Variants in CSMD3 observed in about 807,000 individuals in gnomAD.
CSMD3 encodes CUB and sushi domain-containing protein 3.
Under a neutral mutation model 435.2 loss-of-function variants are expected in CSMD3, and 177 were observed. The ratio of observed to expected loss-of-function variants is 0.41; its 90% CI spans 0.36 to 0.46. The LOEUF is 0.46. Among genes scored for constraint, CSMD3 ranks in the 20% least tolerant of loss-of-function variants. The pLI is 0.34. For synonymous variants in CSMD3, 1,656 were observed against 1,520.5 expected (o/e 1.09, Z -2.07); for missense variants, 4,265 against 4,504.6 (o/e 0.95, Z 1.52).
At chr8:113,090,017 T>C (rs2089948283) in intron 5 of CSMD3, among the ~76,000 whole-genome samples, 2 of 152,040 alleles carry the variant, frequency 1.3e-5, no homozygotes, top group Admixed American at 1.3e-4. Flanking sequence ...AAAGTTAAAG[T>C]CATTGTAGCA....
In CSMD3 at chr8:112,678,965, T is replaced by C. The variant is rs187151442; in HGVS notation, c.2677+3477A>G. ...AATAAATAATAAGAAAAATTTTATCTGTAAAAATATAGACTGTCTACAGAA... is the reference window on the plus strand; with the variant it reads ...AATAAATAATAAGAAAAATTTTATCCGTAAAAATATAGACTGTCTACAGAA... On this transcript the variant is annotated intron_variant, in intron 16 of 70. Coordinates refer to ENST00000297405, the MANE Select transcript of CSMD3 (RefSeq NM_198123.2). Among the ~76,000 whole-genome samples, 762 of 151,880 alleles carry C rather than the reference T, an allele frequency of 5.0e-3. 4 individuals carry two copies. The highest frequency in any genetic ancestry group is 0.017 in the African/African-American group (714 of 41,490).
Position 112,472,621 on chromosome 8 carries a change from C to T in CSMD3, c.5365G>A (p.Val1789Ile). The T allele has an allele frequency of 6.2e-7, 1 of 1,603,768 alleles. No individual in the cohort carries two copies. The highest frequency in any genetic ancestry group is 8.5e-7 in the Non-Finnish European group (1 of 1,170,862). Residue 1789 changes from valine to isoleucine, a missense_variant, in exon 32 of 71, where the codon GTT becomes ATT. Coordinates refer to ENST00000297405, the MANE Select transcript of CSMD3 (RefSeq NM_198123.2). ...TCCTTTGGAACTGCTATAGAATAAACACAATTATGTCCCACACTGTAATTT... is the reference window on the plus strand; with the variant it reads ...TCCTTTGGAACTGCTATAGAATAAATACAATTATGTCCCACACTGTAATTT... ...PKNYSVGHNC[V>I]YSIAVPKEFV... is the part of the protein sequence containing the mutation.
chr8:112,546,519 A>G (rs1827195720), intron 27 of CSMD3, among the ~76,000 whole-genome samples: 1 of 152,162 alleles, frequency 6.6e-6, no homozygotes, highest in Non-Finnish European at 1.5e-5. Flanking sequence ...GGGCCTCAGC[A>G]TTTTGTATTA....
chr8:112,707,655 A>G (rs185603125), intron 13 of CSMD3, among the ~76,000 whole-genome samples: 1 of 152,158 alleles, frequency 6.6e-6, no homozygotes, highest in Admixed American at 6.6e-5. Flanking sequence ...TTTGAAAACT[A>G]CTTCTCTATT....
intron 27 of CSMD3, among the ~76,000 whole-genome samples, chr8:112,535,997 C>T (rs1021907862): frequency 1.3e-5 from 2 of 152,104 alleles, no homozygotes; most frequent in African/African-American, 4.8e-5. Flanking sequence ...GGATCCCTTC[C>T]TTACACCTTA....
In CSMD3 at chr8:112,314,498, A is replaced by C; in HGVS notation, c.7480T>G (p.Tyr2494Asp). Residue 2494 changes from tyrosine (Y) to aspartate (D), a missense_variant, in exon 48 of 71, where the codon TAT (tyrosine) becomes GAT (aspartate). Transcript: ENST00000297405. ...CAWSISVEKG[Y>D]NITMFVEFFQ... ...AATTCTACAAACATGGTGATATTATAACCCTTTTCCACTGAAATGCTCCAT... is the reference window on the plus strand; with the variant it reads ...AATTCTACAAACATGGTGATATTATCACCCTTTTCCACTGAAATGCTCCAT... 1 of 1,612,506 alleles carries C rather than the reference A, an allele frequency of 6.2e-7. No homozygotes were observed. Among genetic ancestry groups the C allele is most frequent in the East Asian group, 2.2e-5 (1 of 44,802 alleles).
At chr8:113,007,506 C>G (rs879562925) in intron 6 of CSMD3, among the ~76,000 whole-genome samples, 2 of 151,854 alleles carry the variant, frequency 1.3e-5, no homozygotes, top group Non-Finnish European at 2.9e-5. Flanking sequence ...CATCTTCAAG[C>G]CAAAGAGAAA....
chr8:112,369,453 G>A (rs1020880277), intron 38 of CSMD3, among the ~76,000 whole-genome samples: 2 of 152,098 alleles, frequency 1.3e-5, no homozygotes, highest in Admixed American at 1.3e-4. Flanking sequence ...CTTGTTAGAA[G>A]TCAGGTATTT....
intron 6 of CSMD3, among the ~76,000 whole-genome samples, chr8:112,996,155 A>T (rs1053987306): frequency 1.3e-5 from 2 of 151,428 alleles, no homozygotes; most frequent in Non-Finnish European, 3.0e-5. Flanking sequence ...TTAGGAATGT[A>T]ATACATAGAT....
chr8:112,986,918 G>T (rs141135850), intron 6 of CSMD3, among the ~76,000 whole-genome samples: 1 of 151,920 alleles, frequency 6.6e-6, no homozygotes, highest in Admixed American at 6.6e-5. Context: ...TAATTAGGTA[G>T]ATAAAGATAT....
chr8:112,326,544 G>A (rs944399922), intron 45 of CSMD3, among the ~76,000 whole-genome samples: 2 of 152,112 alleles, frequency 1.3e-5, no homozygotes, highest in Non-Finnish European at 2.9e-5. Flanking sequence ...CAGTTAAGAG[G>A]GAGGGTACAT....
chr8:112,888,441 T>A (rs1345445098), intron 10 of CSMD3, among the ~76,000 whole-genome samples: 2 of 151,694 alleles, frequency 1.3e-5, no homozygotes, highest in South Asian at 2.1e-4. Context: ...AATCAAAGAC[T>A]TATGTGTGAA....
chr8:112,936,551 A>T (rs938105852), intron 9 of CSMD3, among the ~76,000 whole-genome samples: 14 of 152,214 alleles, frequency 9.2e-5, no homozygotes, highest in African/African-American at 3.1e-4. Flanking sequence ...CTTTATCTTT[A>T]ATCGTGACAC....
intron 4 of CSMD3, among the ~76,000 whole-genome samples, chr8:113,120,015 A>C (rs779924361): frequency 5.3e-5 from 8 of 152,056 alleles, no homozygotes; most frequent in Non-Finnish European, 1.5e-5. Context: ...AAATAAAAAA[A>C]ATTTTCCTAA....
intron 1 of CSMD3, among the ~76,000 whole-genome samples, chr8:113,392,892 C>A (rs1042142739): frequency 3.3e-5 from 5 of 151,590 alleles, no homozygotes; most frequent in Non-Finnish European, 7.4e-5. Context: ...TTGATGAGGA[C>A]TTTATACTCC....
At position 113,310,979 on chromosome 8, in the gene CSMD3, A is replaced by T. The variant is rs150545836; in HGVS notation, c.401+3592T>A. Reference sequence around the variant, plus strand: ...ATAAATTAATGTTTACAAAGATTCTAATCACACATTAGACATGTACATTAT... The same window carrying T: ...ATAAATTAATGTTTACAAAGATTCTTATCACACATTAGACATGTACATTAT... On this transcript the variant is annotated intron_variant, in intron 2 of 70. Transcript: ENST00000297405. 1,261 of 152,162 alleles carry T rather than the reference A, an allele frequency of 8.3e-3. 17 individuals are homozygous for T. The highest frequency in any genetic ancestry group is 0.028 in the African/African-American group (1,182 of 41,566). 9.4% of individuals were successfully genotyped at this position (152,162 alleles called of 1,614,324 possible). A position where few individuals can be genotyped will look rare whatever the true frequency, so the allele number is the denominator to read the frequency against.
intron 59 of CSMD3, among the ~76,000 whole-genome samples, chr8:112,277,187 T>G (rs756293106): frequency 2.0e-5 from 3 of 152,188 alleles, no homozygotes; most frequent in Non-Finnish European, 4.4e-5. Context: ...ACTTTTATAT[T>G]CTATTTCCCT....
chr8:112,926,276 G>A (rs1287676039), intron 9 of CSMD3, among the ~76,000 whole-genome samples: 3 of 151,942 alleles, frequency 2.0e-5, no homozygotes, highest in Non-Finnish European at 4.4e-5. Context: ...GTGTGTTTGT[G>A]TGTGTGTATG....
chr8:112,641,543 A>G (rs1339916045), intron 20 of CSMD3, among the ~76,000 whole-genome samples: 2 of 152,100 alleles, frequency 1.3e-5, no homozygotes, highest in Admixed American at 1.3e-4. Flanking sequence ...ATGACCTTCA[A>G]ATGTAATGAC....
Sources: allele counts gnomAD v4.1 joint callset (sites outside exome capture counted in the v4.1 genomes callset), GRCh38; gene constraint gnomAD v4.1.1; transcripts MANE v1.5; gene names NCBI Gene and HGNC (gene_info 2026-07-23, HGNC 2026-07-21).